The following ROBO1 variants were observed in gnomAD, a reference collection of about 807,000 sequenced individuals.
The protein encoded by ROBO1 is roundabout homolog 1.
In ROBO1, 149 loss-of-function variants were observed where a neutral mutation model predicts 195.9. The observed-to-expected ratio is 0.76, with a 90% CI of 0.67 to 0.87. The LOEUF (loss-of-function observed/expected upper bound fraction) is 0.87. Ranked by LOEUF, ROBO1 falls within the 40% of genes least tolerant of loss-of-function variation. ROBO1 has a pLI of 0.00. For synonymous variants in ROBO1, 816 were observed against 733.2 expected (o/e 1.11, Z -1.82); for missense variants, 1,933 against 2,068.3 (o/e 0.93, Z 1.27).
intron 2 of ROBO1, among the ~76,000 whole-genome samples, chr3:79,369,359 G>A (rs533444617): frequency 6.6e-6 from 1 of 152,122 alleles, no homozygotes; most frequent in Non-Finnish European, 1.5e-5. Context: ...AAATCCCTTT[G>A]GCTAATTTAC....
In ROBO1 at chr3:79,443,769, A is replaced by T. The variant is rs1215342935; in HGVS notation, c.88+146055T>A. Among the ~76,000 whole-genome samples, 3 of 152,166 alleles carry T rather than the reference A, an allele frequency of 2.0e-5. No homozygotes were observed. The East Asian group carries it at 5.8e-4, about 29-fold the overall frequency. On this transcript the variant is annotated intron_variant, in intron 2 of 30. Coordinates refer to ENST00000464233, the MANE Select transcript of ROBO1 (RefSeq NM_002941.4). ...CAAATATAAAAATGTATTTCATCTTAGAACAATTTGCATAATTTATTAACG... is the reference window on the plus strand; with the variant it reads ...CAAATATAAAAATGTATTTCATCTTTGAACAATTTGCATAATTTATTAACG...
intron 2 of ROBO1, among the ~76,000 whole-genome samples, chr3:79,539,293 G>A (rs1029799536): frequency 2.0e-5 from 3 of 151,720 alleles, no homozygotes; most frequent in Admixed American, 6.6e-5. Flanking sequence ...TGCCCTTTAG[G>A]GTAGATAAAA....
At chr3:79,170,805 G>C (rs916344536) in intron 2 of ROBO1, among the ~76,000 whole-genome samples, 8 of 152,070 alleles carry the variant, frequency 5.3e-5, no homozygotes, top group Non-Finnish European at 1.2e-4. Flanking sequence ...GAGGTGAACA[G>C]AGTTGACTCT....
At chr3:78,870,905 T>C (rs1333309564) in intron 4 of ROBO1, among the ~76,000 whole-genome samples, 1 of 152,188 alleles carries the variant, frequency 6.6e-6, no homozygotes, top group Non-Finnish European at 1.5e-5. Flanking sequence ...TGTTAACCTG[T>C]TTCCAGATAT....
chr3:79,363,478 TATCCTTGTATTACAC>T (rs1195047760), intron 2 of ROBO1, among the ~76,000 whole-genome samples: 1 of 152,254 alleles, frequency 6.6e-6, no homozygotes, highest in Non-Finnish European at 1.5e-5. Context: ...TTACATAGAC[TATCCTTGTATTACAC>T]ATCATAATTT....
chr3:78,878,602 A>AAAC, intron 4 of ROBO1, among the ~76,000 whole-genome samples: 1 of 151,184 alleles, frequency 6.6e-6, no homozygotes, highest in African/African-American at 2.4e-5. Context: ...AAAAAAAAAA[A>AAAC]AAAAAACTGC....
chr3:78,843,053 T>C (rs912167162), intron 4 of ROBO1, among the ~76,000 whole-genome samples: 1 of 152,114 alleles, frequency 6.6e-6, no homozygotes, highest in Non-Finnish European at 1.5e-5. Flanking sequence ...TGCACTGATA[T>C]CAGAATGTAT....
At chr3:78,785,760 A>G (rs1200564004) in intron 4 of ROBO1, among the ~76,000 whole-genome samples, 1 of 152,152 alleles carries the variant, frequency 6.6e-6, no homozygotes, top group African/African-American at 2.4e-5. Flanking sequence ...GAGTAATATA[A>G]TGGTGCATAA....
intron 3 of ROBO1, among the ~76,000 whole-genome samples, chr3:78,973,497 CTATA>C (rs1230599449): frequency 7.4e-6 from 1 of 134,516 alleles, no homozygotes; most frequent in Non-Finnish European, 1.6e-5. Flanking sequence ...ATATAAGAAG[CTATA>C]TATATATTAT....
intron 3 of ROBO1, among the ~76,000 whole-genome samples, chr3:78,968,271 C>CTT (rs35361494): frequency 4.8e-4 from 57 of 119,428 alleles, no homozygotes; most frequent in African/African-American, 1.7e-3. Flanking sequence ...TGTATAGATT[C>CTT]TTTTTTTTTT....
intron 1 of ROBO1, among the ~76,000 whole-genome samples, chr3:79,747,230 G>C (rs372595379): frequency 2.0e-5 from 3 of 152,000 alleles, no homozygotes; most frequent in African/African-American, 4.8e-5. Context: ...AGTGTGCTCA[G>C]TTCTTTGTTT....
chr3:79,680,843 T>TG (rs1946924683), intron 1 of ROBO1, among the ~76,000 whole-genome samples: 1 of 151,298 alleles, frequency 6.6e-6, no homozygotes, highest in African/African-American at 2.4e-5. Flanking sequence ...CTCTAGGAGG[T>TG]GGGGGGTCAA....
intron 1 of ROBO1, among the ~76,000 whole-genome samples, chr3:79,714,576 A>G (rs957981876): frequency 2.0e-5 from 3 of 151,876 alleles, no homozygotes; most frequent in African/African-American, 7.3e-5. Flanking sequence ...ACTATTCACA[A>G]TAGCAAAGAC....
chr3:78,948,471 A>C (rs911795375), intron 3 of ROBO1, among the ~76,000 whole-genome samples: 3 of 152,198 alleles, frequency 2.0e-5, no homozygotes, highest in African/African-American at 7.2e-5. Flanking sequence ...ACAACTCTTC[A>C]TGCTAAAAGC....
chr3:79,016,810 G>A (rs1324160486), intron 3 of ROBO1, among the ~76,000 whole-genome samples: 1 of 152,142 alleles, frequency 6.6e-6, no homozygotes, highest in African/African-American at 2.4e-5. Context: ...TAACCAGAAA[G>A]GTGAATCAAC....
intron 1 of ROBO1, among the ~76,000 whole-genome samples, chr3:79,748,390 G>A (rs1576314783): frequency 1.3e-5 from 2 of 152,120 alleles, no homozygotes; most frequent in Non-Finnish European, 2.9e-5. Context: ...TGTATCAGAT[G>A]GGAGAGATTG....
At chr3:78,918,273 G>T (rs1328206575) in intron 4 of ROBO1, among the ~76,000 whole-genome samples, 2 of 152,018 alleles carry the variant, frequency 1.3e-5, no homozygotes, top group East Asian at 1.9e-4. Flanking sequence ...AGATGTAAAA[G>T]AAATCAGAGT....
At chr3:79,460,458 A>G (rs930228119) in intron 2 of ROBO1, among the ~76,000 whole-genome samples, 1 of 152,222 alleles carries the variant, frequency 6.6e-6, no homozygotes, top group Non-Finnish European at 1.5e-5. Context: ...CAGTAAAGCA[A>G]GTGCTTATAC....
chr3:79,138,031 AT>A (rs1389458077), intron 2 of ROBO1, among the ~76,000 whole-genome samples: 1 of 152,126 alleles, frequency 6.6e-6, no homozygotes, highest in Non-Finnish European at 1.5e-5. Flanking sequence ...GAAATACACA[AT>A]AAAAAATTAT....
Sources: gnomAD v4.1 joint callset for allele counts (sites outside exome capture counted in the v4.1 genomes callset) on GRCh38, gnomAD v4.1.1 for gene constraint, MANE v1.5 for transcripts, NCBI Gene and HGNC (gene_info 2026-07-23, HGNC 2026-07-21) for gene names.